The following PPP4R3A variants were observed in gnomAD, a reference collection of about 807,000 sequenced individuals.
PPP4R3A encodes protein phosphatase 4 regulatory subunit 3A.
PPP4R3A carries 15 observed loss-of-function variants against 91.7 expected under a neutral mutation model. The ratio of observed to expected loss-of-function variants is 0.16; its 90% CI spans 0.11 to 0.25. The LOEUF (loss-of-function observed/expected upper bound fraction) is 0.25, where lower values mean the gene tolerates loss of function less well. PPP4R3A is among the 10% of genes least tolerant of loss of function. The pLI, the probability that PPP4R3A is intolerant of heterozygous loss-of-function variation, is 1.00. For synonymous variants in PPP4R3A, 377 were observed against 348.7 expected (o/e 1.08, Z -0.91); for missense variants, 623 against 998.4 (o/e 0.62, Z 5.07).
rs968183670 is a variant in PPP4R3A at position 91,502,225 on chromosome 14, G to C, written c.142+7281C>G. ...GCTTGAGGCAGGAAATTCAAGACTA[G>C]TCTGGGCAACACAGTAAGATCCCAC... On this transcript the variant is annotated intron_variant, in intron 1 of 14. Coordinates refer to ENST00000554943, the MANE Select transcript of PPP4R3A (RefSeq NM_001366432.2). Among the ~76,000 whole-genome samples, 32 of 152,036 alleles carry C rather than the reference G, an allele frequency of 2.1e-4. 1 individual carries two copies. Among genetic ancestry groups the C allele is most frequent in the Non-Finnish European group, 7.4e-5 (5 of 68,012 alleles).
At chr14:91,463,222 C>T (rs916506421) in intron 11 of PPP4R3A, among the ~76,000 whole-genome samples, 21 of 151,554 alleles carry the variant, frequency 1.4e-4, no homozygotes, top group African/African-American at 4.4e-4. Flanking sequence ...TGCACCACCA[C>T]GCCTGGCTAA....
At chr14:91,471,813 C>T (rs1888853962) in intron 9 of PPP4R3A, among the ~76,000 whole-genome samples, 2 of 152,056 alleles carry the variant, frequency 1.3e-5, no homozygotes, top group Admixed American at 1.3e-4. Flanking sequence ...CCTATAATCC[C>T]AGCACTTTGG....
intron 1 of PPP4R3A, among the ~76,000 whole-genome samples, chr14:91,491,477 G>C (rs192359304): frequency 6.6e-6 from 1 of 151,290 alleles, no homozygotes; most frequent in African/African-American, 2.4e-5. Context: ...GCGCGATCTC[G>C]GCTCACTGCA....
At chr14:91,507,619 T>A in intron 1 of PPP4R3A, among the ~76,000 whole-genome samples, 1 of 40,732 alleles carries the variant, frequency 2.5e-5, no homozygotes, top group Non-Finnish European at 4.8e-5. Context: ...TAGTTATATA[T>A]ACTATTATAT....
chr14:91,501,637 T>G (rs1475701376), intron 1 of PPP4R3A, among the ~76,000 whole-genome samples: 3 of 150,722 alleles, frequency 2.0e-5, no homozygotes, highest in Non-Finnish European at 4.4e-5. Flanking sequence ...GACAAAAGAG[T>G]GAGATCCCGC....
rs563845185 is a variant in PPP4R3A, at chr14:91,484,147, T to C, written c.297+1485A>G. ...TGTTGGATGGAAAGCAAAGAAAAACTAAAAAGATGGATGGTATTCAGATAT... is the reference window on the plus strand; with the variant it reads ...TGTTGGATGGAAAGCAAAGAAAAACCAAAAAGATGGATGGTATTCAGATAT... On this transcript the variant is annotated intron_variant, in intron 3 of 14. Transcript: ENST00000554943. Among the ~76,000 whole-genome samples, 54 of 152,254 alleles carry C rather than the reference T, an allele frequency of 3.5e-4. No homozygotes were observed. In the South Asian group the frequency reaches 0.011, roughly 30 times the overall value.
At chr14:91,473,001 G>A in intron 9 of PPP4R3A, 32 bp downstream of exon 9, 1 of 1,595,800 alleles carries the variant, frequency 6.3e-7, no homozygotes, top group Non-Finnish European at 8.6e-7. Context: ...TTCAAGAACA[G>A]AGAACTTAAC....
chr14:91,499,110 T>C (rs562592894), intron 1 of PPP4R3A, among the ~76,000 whole-genome samples: 7 of 150,106 alleles, frequency 4.7e-5, no homozygotes, highest in Non-Finnish European at 1.0e-4. Context: ...CTACAAAAAA[T>C]AAAAATTTGC....
chr14:91,468,667 C>CAAAAAAAAAAAAAAAAAAAAAAAA (rs766250846), intron 10 of PPP4R3A, among the ~76,000 whole-genome samples: 6 of 45,044 alleles, frequency 1.3e-4, no homozygotes, highest in African/African-American at 4.5e-4. Context: ...GACTCCGTCT[C>CAAAAAAAAAAAAAAAAAAAAAAAA]AAAAAAAAAA....
intron 1 of PPP4R3A, among the ~76,000 whole-genome samples, chr14:91,493,494 C>T (rs549565402): frequency 6.7e-6 from 1 of 149,742 alleles, no homozygotes; most frequent in African/African-American, 2.5e-5. Flanking sequence ...GATAAGAGAT[C>T]CTGTCTCAAA....
At chr14:91,507,360 A>ATCTATACATAG in intron 1 of PPP4R3A, among the ~76,000 whole-genome samples, 1 of 80,140 alleles carries the variant, frequency 1.2e-5, no homozygotes, top group African/African-American at 5.4e-5. Context: ...ACTATATAGT[A>ATCTATACATAG]TATATACTAT....
At chr14:91,465,157 A>T (rs1888400259) in intron 11 of PPP4R3A, 93 bp downstream of exon 11, 8 of 975,036 alleles carry the variant, frequency 8.2e-6, no homozygotes. Flanking sequence ...ATCTCTCCAA[A>T]TATTATCATC....
chr14:91,476,861 C>T (rs895426771), intron 5 of PPP4R3A, 48 bp downstream of exon 5: 22 of 1,489,262 alleles, frequency 1.5e-5, no homozygotes, highest in Middle Eastern at 2.2e-4. Context: ...CCACCAAGCC[C>T]GGCCAGTTGT....
chr14:91,490,813 GAA>G lies in PPP4R3A; in HGVS notation c.143-13_143-12del, dbSNP rs1595077613. ...CTAAAAGTAGAGAACCTAGGAAACA[GAA>G]AAAGACATTCCATTATGTTACTGTA... On this transcript the variant is annotated splice_polypyrimidine_tract_variant and intron_variant, in intron 1 of 14. Transcript: ENST00000554943. 2.5e-6 allele frequency: 4 copies of G among 1,590,964 alleles called. No homozygotes were observed. In the African/African-American group the frequency reaches 4.1e-5, roughly 16 times the overall value.
intron 12 of PPP4R3A, 29 bp from the exon 13 acceptor site, chr14:91,462,268 A>G: frequency 3.3e-6 from 5 of 1,526,486 alleles, no homozygotes; most frequent in African/African-American, 2.8e-5. Flanking sequence ...GAGTAAATAC[A>G]ATCATATATG....
At chr14:91,487,329 A>C (rs1278598873) in intron 2 of PPP4R3A, among the ~76,000 whole-genome samples, 1 of 152,016 alleles carries the variant, frequency 6.6e-6, no homozygotes, top group Non-Finnish European at 1.5e-5. Flanking sequence ...ATAGCAATCA[A>C]CCATTTCAAA....
chr14:91,471,584 T>C (rs1458027712), intron 9 of PPP4R3A, among the ~76,000 whole-genome samples: 1 of 152,184 alleles, frequency 6.6e-6, no homozygotes, highest in Non-Finnish European at 1.5e-5. Context: ...AAAATCACAA[T>C]GAGTTCTCAT....
chr14:91,463,100 T>C (rs1445629622), intron 11 of PPP4R3A, among the ~76,000 whole-genome samples: 1 of 152,046 alleles, frequency 6.6e-6, no homozygotes, highest in East Asian at 1.9e-4. Context: ...AGTTTTGCTC[T>C]TACTGCCCAG....
At chr14:91,509,054 G>A (rs1891591683) in intron 1 of PPP4R3A, among the ~76,000 whole-genome samples, 1 of 152,180 alleles carries the variant, frequency 6.6e-6, no homozygotes. Context: ...AAAAAGCACA[G>A]CAAAACGTTC....
Sources: allele counts gnomAD v4.1 joint callset (sites outside exome capture counted in the v4.1 genomes callset), GRCh38; gene constraint gnomAD v4.1.1; transcripts MANE v1.5; gene names NCBI Gene and HGNC (gene_info 2026-07-23, HGNC 2026-07-21).